Variants in HHAT observed in about 807,000 individuals in gnomAD.
HHAT encodes protein-cysteine N-palmitoyltransferase HHAT.
HHAT carries 47 observed loss-of-function variants against 70.8 expected under a neutral mutation model. The observed-to-expected ratio is 0.66, with a 90% CI of 0.53 to 0.85. The LOEUF (loss-of-function observed/expected upper bound fraction) is 0.85. Ranked by LOEUF, HHAT falls within the 40% of genes least tolerant of loss-of-function variation. The probability of loss-of-function intolerance (pLI) is 0.00; values close to 1 mark genes in which losing one functional copy is unlikely to be tolerated. For synonymous variants in HHAT, 228 were observed against 247.6 expected, an observed-to-expected ratio of 0.92 and a Z score of 0.74; for missense variants, 609 against 604.8, an observed-to-expected ratio of 1.01 and a Z score of -0.07.
intron 3 of HHAT, among the ~76,000 whole-genome samples, chr1:210,366,241 TGTG>T (rs1325423126): frequency 6.6e-6 from 1 of 152,140 alleles, no homozygotes; most frequent in Non-Finnish European, 1.5e-5. Flanking sequence ...AGATGGCTGT[TGTG>T]GTGAGCTGCT....
At chr1:210,569,026 T>G (rs1655459169) in intron 9 of HHAT, among the ~76,000 whole-genome samples, 1 of 152,042 alleles carries the variant, frequency 6.6e-6, no homozygotes, top group Non-Finnish European at 1.5e-5. Context: ...CACTCCAGAA[T>G]TGCTTGCTTG....
At chr1:210,491,069 G>C (rs1302581298) in intron 8 of HHAT, among the ~76,000 whole-genome samples, 2 of 150,448 alleles carry the variant, frequency 1.3e-5, no homozygotes, top group African/African-American at 4.9e-5. Context: ...CACATAGTGT[G>C]TGTGTGTGTG....
chr1:210,570,566 G>C (rs1656022614), intron 9 of HHAT, among the ~76,000 whole-genome samples: 1 of 152,172 alleles, frequency 6.6e-6, no homozygotes, highest in Non-Finnish European at 1.5e-5. Context: ...AAGACAGCGA[G>C]CCACAGACCC....
Position 210,350,746 on chromosome 1 carries a change from TTTG to T in HHAT, c.91+1691_91+1693del, listed in dbSNP as rs1307033847. 1.9e-4 allele frequency among the ~76,000 whole-genome samples: 29 copies of T among 152,318 alleles called. No homozygotes were observed. In the East Asian group the frequency reaches 4.0e-3, roughly 21 times the overall value. On this transcript the variant is annotated intron_variant, in intron 2 of 11. Coordinates refer to ENST00000261458, the MANE Select transcript of HHAT (RefSeq NM_018194.6). ...TTTCAATCTTATATACCTTTTCTTT[TTTG>T]TTGTTGTTGTATTGCATTAATTAGG...
chr1:210,673,755 CTTATTTATTAT>C (rs1319656986), intron 11 of HHAT, among the ~76,000 whole-genome samples: 920 of 70,600 alleles, frequency 0.013, 17 homozygotes, highest in South Asian at 0.097. Context: ...CCATGCCTGG[CTTATTTATTAT>C]TTATTTATTT....
intron 4 of HHAT, among the ~76,000 whole-genome samples, chr1:210,390,264 A>G (rs2091368170): frequency 6.6e-6 from 1 of 152,182 alleles, no homozygotes; most frequent in Non-Finnish European, 1.5e-5. Flanking sequence ...ACATAATTTG[A>G]AAGTAAAAGG....
At chr1:210,385,280 G>C (rs927276350) in intron 3 of HHAT, among the ~76,000 whole-genome samples, 3 of 109,632 alleles carry the variant, frequency 2.7e-5, no homozygotes, top group Non-Finnish European at 3.7e-5. Context: ...TTTTGAGTTT[G>C]TATTAAAAAA....
At chr1:210,431,709 C>T (rs1410919093) in intron 7 of HHAT, among the ~76,000 whole-genome samples, 3 of 151,702 alleles carry the variant, frequency 2.0e-5, no homozygotes, top group Non-Finnish European at 4.4e-5. Flanking sequence ...TTAGTTGTAA[C>T]CAGGAATTTC....
Position 210,496,902 on chromosome 1 carries a change from T to C in HHAT, c.1008-16251T>C, listed in dbSNP as rs564664018. Among the ~76,000 whole-genome samples, 21 of 152,372 alleles carry C rather than the reference T, an allele frequency of 1.4e-4. No individual in the cohort carries two copies. The South Asian group carries it at 4.3e-3, about 32-fold the overall frequency. ...CTTCTGTCTGATTTCTGTAGTTCTA[T>C]ACCTTTTACCTATCTGGTCATCTGC... is the stretch of plus-strand genomic sequence containing the variant. On this transcript the variant is annotated intron_variant, in intron 8 of 11. Coordinates refer to ENST00000261458, the MANE Select transcript of HHAT (RefSeq NM_018194.6).
At chr1:210,652,257 C>A (rs578028780) in intron 11 of HHAT, among the ~76,000 whole-genome samples, 137 of 152,262 alleles carry the variant, frequency 9.0e-4, no homozygotes, top group Non-Finnish European at 1.6e-3. Flanking sequence ...AAAACAAATT[C>A]TTATCTCTAG....
chr1:210,662,754 G>A (rs1250273991), intron 11 of HHAT, among the ~76,000 whole-genome samples: 6 of 152,012 alleles, frequency 3.9e-5, no homozygotes. Context: ...TGCATTTCAG[G>A]TGGAATGATT....
intron 7 of HHAT, among the ~76,000 whole-genome samples, chr1:210,455,845 T>C (rs1031881535): frequency 6.6e-6 from 1 of 152,230 alleles, no homozygotes; most frequent in African/African-American, 2.4e-5. Flanking sequence ...TTGGTATTTT[T>C]ATTATTCTGT....
At chr1:210,376,394 T>A (rs2090218584) in intron 3 of HHAT, among the ~76,000 whole-genome samples, 1 of 152,218 alleles carries the variant, frequency 6.6e-6, no homozygotes, top group South Asian at 2.1e-4. Flanking sequence ...CCAAGGGTTT[T>A]AGCTGTCGTT....
chr1:210,401,200 C>T (rs1002303325), intron 5 of HHAT, among the ~76,000 whole-genome samples: 4 of 152,100 alleles, frequency 2.6e-5, no homozygotes, highest in Non-Finnish European at 4.4e-5. Flanking sequence ...CTGCAACCTC[C>T]GCCTCCTGGG....
At chr1:210,562,108 T>G (rs1441257411) in intron 9 of HHAT, among the ~76,000 whole-genome samples, 3 of 152,148 alleles carry the variant, frequency 2.0e-5, no homozygotes, top group African/African-American at 7.2e-5. Context: ...ATTATGAGAT[T>G]ACAACTTATA....
chr1:210,635,560 G>T (rs922084418), intron 11 of HHAT, among the ~76,000 whole-genome samples: 1 of 152,160 alleles, frequency 6.6e-6, no homozygotes, highest in African/African-American at 2.4e-5. Flanking sequence ...TGGCTGTCGC[G>T]CATCAAAGGA....
intron 7 of HHAT, among the ~76,000 whole-genome samples, chr1:210,436,429 G>T (rs2093376328): frequency 6.6e-6 from 1 of 151,460 alleles, no homozygotes; most frequent in African/African-American, 2.4e-5. Context: ...TTTTGCTCAG[G>T]GTTGCTTTGG....
At chr1:210,417,188 C>T (rs1384355838) in intron 6 of HHAT, among the ~76,000 whole-genome samples, 2 of 152,146 alleles carry the variant, frequency 1.3e-5, no homozygotes, top group East Asian at 1.9e-4. Context: ...GAGTGAAACT[C>T]AATATTGTTT....
chr1:210,655,331 C>T (rs143286782), intron 11 of HHAT, among the ~76,000 whole-genome samples: 15 of 152,288 alleles, frequency 9.8e-5, no homozygotes, highest in African/African-American at 3.6e-4. Context: ...TCTTGACTGG[C>T]TTCTCCTCTG....
Sources: allele counts gnomAD v4.1 joint callset (sites outside exome capture counted in the v4.1 genomes callset), GRCh38; gene constraint gnomAD v4.1.1; transcripts MANE v1.5; gene names NCBI Gene and HGNC (gene_info 2026-07-23, HGNC 2026-07-21).